The following PAK5 variants were observed in gnomAD, a reference collection of about 807,000 sequenced individuals.
PAK5 encodes the protein p21 (RAC1) activated kinase 5, also known as serine/threonine-protein kinase PAK 5.
Under a neutral mutation model 65.9 loss-of-function variants are expected in PAK5, and 16 were observed. The observed-to-expected ratio is 0.24, with a 90% CI of 0.16 to 0.37. The LOEUF (loss-of-function observed/expected upper bound fraction) is 0.37, where lower values mean the gene tolerates loss of function less well. Ranked by LOEUF, PAK5 falls within the 10% of genes least tolerant of loss-of-function variation. PAK5 has a pLI of 1.00. For synonymous variants in PAK5, 371 were observed against 354.9 expected, an observed-to-expected ratio of 1.05 and a Z score of -0.51; for missense variants, 785 against 903.9, an observed-to-expected ratio of 0.87 and a Z score of 1.69.
At chr20:9,672,658 C>A (rs1600225485) in intron 2 of PAK5, among the ~76,000 whole-genome samples, 1 of 152,072 alleles carries the variant, frequency 6.6e-6, no homozygotes. Flanking sequence ...CTTGCCCTTA[C>A]AAATTACCCA....
intron 2 of PAK5, among the ~76,000 whole-genome samples, chr20:9,648,905 T>A (rs2047169052): frequency 6.6e-6 from 1 of 152,124 alleles, no homozygotes; most frequent in Non-Finnish European, 1.5e-5. Flanking sequence ...TCTGAGAAAT[T>A]ACAAACTGTG....
chr20:9,757,811 C>T lies in PAK5; in HGVS notation c.-161-46376G>A, dbSNP rs769262. ...AAACTTTTACTTGAATTCTCCTCCTCTTCTTTCAAAATACTTTGATAGTAG... is the reference window on the plus strand; with the variant it reads ...AAACTTTTACTTGAATTCTCCTCCTTTTCTTTCAAAATACTTTGATAGTAG... On this transcript the variant is annotated intron_variant, in intron 1 of 9. Transcript: ENST00000353224. Among the ~76,000 whole-genome samples, 46 of 152,278 alleles carry T rather than the reference C, an allele frequency of 3.0e-4. 2 individuals carry two copies. The East Asian group carries it at 7.9e-3, about 26-fold the overall frequency.
chr20:9,596,935 T>C (rs1178453717), intron 3 of PAK5, among the ~76,000 whole-genome samples: 1 of 152,186 alleles, frequency 6.6e-6, no homozygotes, highest in East Asian at 1.9e-4. Flanking sequence ...ATATTCTGAA[T>C]TTCTAACAAG....
chr20:9,670,489 C>T (rs6108324), intron 2 of PAK5, among the ~76,000 whole-genome samples: 35,401 of 151,784 alleles, frequency 0.23, 4,532 homozygotes, highest in East Asian at 0.39. Context: ...TGGTATTTCA[C>T]TGTGGTTTTG....
In PAK5 at chr20:9,566,077, C is replaced by T. The variant is rs757157617; in HGVS notation, c.1298G>A (p.Arg433Gln). 2.5e-6 allele frequency: 4 copies of T among 1,613,746 alleles called. No homozygotes were observed. The highest frequency in any genetic ancestry group is 2.7e-5 in the African/African-American group (2 of 74,884). ...QPSRVSHEQF[R>Q]AALQLVVSPG... ...GCTGACCACCAGCTGCAGGGCCGCCCGAAACTGTTCATGGGACACCCTGGA... is the reference window on the plus strand; with the variant it reads ...GCTGACCACCAGCTGCAGGGCCGCCTGAAACTGTTCATGGGACACCCTGGA... The change falls in exon 5 of 10, where the codon CGG (arginine) becomes CAG (glutamine). Residue 433 changes from arginine to glutamine, a missense_variant. Around this residue, in one of 4 missense-constraint regions of PAK5, gnomAD observed 182 missense variants for 273.0 expected, o/e 0.67. Coordinates refer to ENST00000353224, the MANE Select transcript of PAK5 (RefSeq NM_177990.4).
At chr20:9,757,669 C>A (rs2048650630) in intron 1 of PAK5, among the ~76,000 whole-genome samples, 1 of 152,144 alleles carries the variant, frequency 6.6e-6, no homozygotes, top group Non-Finnish European at 1.5e-5. Flanking sequence ...CATAAAATGG[C>A]CTGACTTCAA....
intron 1 of PAK5, among the ~76,000 whole-genome samples, chr20:9,820,108 T>A (rs914059390): frequency 1.3e-5 from 2 of 152,206 alleles, no homozygotes; most frequent in African/African-American, 4.8e-5. Flanking sequence ...CCACTTTGAG[T>A]TGGGTTTCTG....
chr20:9,775,439 A>G (rs927992188), intron 1 of PAK5, among the ~76,000 whole-genome samples: 5 of 152,200 alleles, frequency 3.3e-5, no homozygotes, highest in African/African-American at 1.2e-4. Context: ...AATTTCCCAA[A>G]TTCATTCTGT....
intron 3 of PAK5, among the ~76,000 whole-genome samples, chr20:9,605,043 C>T (rs1246587211): frequency 6.6e-6 from 1 of 152,202 alleles, no homozygotes; most frequent in Non-Finnish European, 1.5e-5. Context: ...ACATGACAGA[C>T]TGAAGAAAGT....
intron 3 of PAK5, among the ~76,000 whole-genome samples, chr20:9,617,826 A>G (rs924679770): frequency 1.3e-5 from 2 of 152,054 alleles, no homozygotes; most frequent in African/African-American, 4.8e-5. Context: ...AAGTGCTAGG[A>G]TTACAGGCGT....
Position 9,538,011 on chromosome 20 carries a change from C to G in PAK5, c.*1451G>C, listed in dbSNP as rs35500347. ...TATGTGAAATAGTTAAGAAAAGCCT[C>G]TGTTTTCCCAGTTTGGTAACAAATG... On this transcript the variant is annotated 3_prime_UTR_variant, in exon 10 of 10. Coordinates refer to ENST00000353224, the MANE Select transcript of PAK5 (RefSeq NM_177990.4). 458 of 232,584 alleles carry G rather than the reference C, an allele frequency of 2.0e-3. 1 individual carries two copies. Among genetic ancestry groups the G allele is most frequent in the Non-Finnish European group, 3.3e-3 (393 of 117,408 alleles). The allele number at this position is 232,584 out of a possible 1,614,324, so 14.4% of individuals were successfully genotyped here. A position where few individuals can be genotyped will look rare whatever the true frequency, so the allele number is the denominator to read the frequency against.
chr20:9,748,128 A>C (rs1483172464), intron 1 of PAK5, among the ~76,000 whole-genome samples: 1 of 152,038 alleles, frequency 6.6e-6, no homozygotes, highest in Non-Finnish European at 1.5e-5. Context: ...CCAACTTACA[A>C]GGGACGTGAA....
intron 1 of PAK5, among the ~76,000 whole-genome samples, chr20:9,790,264 AAT>A (rs1374087306): frequency 6.6e-6 from 1 of 152,106 alleles, no homozygotes; most frequent in Non-Finnish European, 1.5e-5. Flanking sequence ...ACTATGCCAT[AAT>A]TAAGGTATAG....
intron 1 of PAK5, among the ~76,000 whole-genome samples, chr20:9,774,132 A>T (rs1029828886): frequency 4.6e-5 from 7 of 152,200 alleles, no homozygotes; most frequent in African/African-American, 1.4e-4. Flanking sequence ...GGGACTACCT[A>T]GGGTGCTGAA....
chr20:9,800,218 GA>G (rs1324288832), intron 1 of PAK5, among the ~76,000 whole-genome samples: 1 of 152,090 alleles, frequency 6.6e-6, no homozygotes, highest in African/African-American at 2.4e-5. Context: ...TGAGATTCAT[GA>G]CGCTTTGAGG....
intron 6 of PAK5, among the ~76,000 whole-genome samples, chr20:9,558,087 C>T (rs1006772690): frequency 1.9e-4 from 28 of 144,460 alleles, no homozygotes; most frequent in African/African-American, 6.6e-4. Context: ...GATGGAGTCC[C>T]GCTCTGTCAC....
chr20:9,629,968 AG>A (rs1180224233), intron 3 of PAK5, among the ~76,000 whole-genome samples: 1 of 152,190 alleles, frequency 6.6e-6, no homozygotes, highest in Non-Finnish European at 1.5e-5. Context: ...AGGAGAAGGG[AG>A]AATCTTTTGT....
intron 6 of PAK5, among the ~76,000 whole-genome samples, chr20:9,562,518 T>G (rs1273732434): frequency 6.6e-6 from 1 of 152,188 alleles, no homozygotes; most frequent in Non-Finnish European, 1.5e-5. Context: ...GTCCCTTCCT[T>G]CCCCTGGTAT....
At chr20:9,713,621 A>G (rs1200317200) in intron 1 of PAK5, among the ~76,000 whole-genome samples, 1 of 92,828 alleles carries the variant, frequency 1.1e-5, no homozygotes, top group African/African-American at 3.7e-5. Context: ...TTAAGTTTCC[A>G]TCACTGAAAG....
Sources: allele counts gnomAD v4.1 joint callset (sites outside exome capture counted in the v4.1 genomes callset), GRCh38; gene constraint gnomAD v4.1.1; regional missense constraint gnomAD v4.1.1; transcripts MANE v1.5; gene names NCBI Gene and HGNC (gene_info 2026-07-23, HGNC 2026-07-21).